The following DNAH14 variants were observed in gnomAD, a reference collection of about 807,000 sequenced individuals.
The protein encoded by DNAH14 is dynein axonemal heavy chain 14, also known as axonemal beta dynein heavy chain 14.
A neutral mutation model predicts 520.9 loss-of-function variants in DNAH14; 478 were observed. The ratio of observed to expected loss-of-function variants is 0.92; its 90% CI spans 0.85 to 0.99. DNAH14 has a LOEUF of 0.99. DNAH14 is among the 50% of genes least tolerant of loss of function. The pLI is 0.00. For missense variants in DNAH14, 4,831 were observed against 5,234.5 expected (o/e 0.92, Z 2.38); for synonymous variants, 1,581 against 1,757.2 (o/e 0.90, Z 2.51).
At chr1:225,291,776 G>C (rs7535325) in intron 55 of DNAH14, among the ~76,000 whole-genome samples, 5,524 of 152,100 alleles carry the variant, frequency 0.036, 304 homozygotes, top group African/African-American at 0.12. Flanking sequence ...TCCTGACTGG[G>C]GAGAGGTGAT....
chr1:225,385,277 G>C (rs1051576999), intron 81 of DNAH14, among the ~76,000 whole-genome samples: 5 of 152,140 alleles, frequency 3.3e-5, no homozygotes, highest in African/African-American at 9.7e-5. Flanking sequence ...ATATCATACT[G>C]AATGGGCAAA....
At chr1:225,104,122 C>G (rs1232141826) in intron 23 of DNAH14, among the ~76,000 whole-genome samples, 1 of 152,116 alleles carries the variant, frequency 6.6e-6, no homozygotes, top group East Asian at 1.9e-4. Context: ...TTGTCAAAGG[C>G]CTTTTCTGCA....
intron 7 of DNAH14, among the ~76,000 whole-genome samples, chr1:224,973,740 T>A (rs1002992377): frequency 1.3e-5 from 2 of 152,186 alleles, no homozygotes; most frequent in African/African-American, 4.8e-5. Context: ...TCACTGAAAA[T>A]TGAATCTTGA....
intron 23 of DNAH14, among the ~76,000 whole-genome samples, chr1:225,117,254 T>C (rs1056112203): frequency 1.3e-5 from 2 of 152,060 alleles, no homozygotes; most frequent in Non-Finnish European, 2.9e-5. Context: ...TAACTTAGTC[T>C]ATAAAGTGAT....
rs2449303 is a variant in DNAH14, at chr1:225,038,427, G to T, written c.1359-267G>T. ...CAACATTTATTATTTATTATTTTCTGTTTTTTTTAATAGCCATCCTAATGG... is the reference window on the plus strand; with the variant it reads ...CAACATTTATTATTTATTATTTTCTTTTTTTTTTAATAGCCATCCTAATGG... On this transcript the variant is annotated intron_variant, in intron 11 of 85. Coordinates refer to ENST00000682510, the MANE Select transcript of DNAH14 (RefSeq NM_001367479.1). Among the ~76,000 whole-genome samples, 120,615 of 151,426 alleles carry T rather than the reference G, an allele frequency of 0.8. 51,389 individuals are homozygous for T. The highest frequency in any genetic ancestry group is 0.96 in the Non-Finnish European group (65,256 of 67,852).
chr1:225,031,514 G>T (rs1368918974), intron 11 of DNAH14, among the ~76,000 whole-genome samples: 1 of 150,516 alleles, frequency 6.6e-6, no homozygotes, highest in African/African-American at 2.4e-5. Context: ...AGGTTTTGCT[G>T]ACCCATGCTC....
chr1:225,237,651 C>A (rs920076828), intron 42 of DNAH14, among the ~76,000 whole-genome samples: 2 of 152,080 alleles, frequency 1.3e-5, no homozygotes, highest in African/African-American at 4.8e-5. Context: ...TGAAGGTTGG[C>A]CTGTCTTGCT....
At chr1:225,048,216 G>C (rs1447616741) in intron 15 of DNAH14, among the ~76,000 whole-genome samples, 2 of 152,128 alleles carry the variant, frequency 1.3e-5, no homozygotes, top group African/African-American at 2.4e-5. Context: ...ATTCAGCTAT[G>C]TTGGCCATGT....
At chr1:224,999,010 G>A (rs1404397942) in intron 8 of DNAH14, among the ~76,000 whole-genome samples, 1 of 151,888 alleles carries the variant, frequency 6.6e-6, no homozygotes, top group African/African-American at 2.4e-5. Flanking sequence ...GTGTCCCTCA[G>A]TATTTCTGGT....
chr1:225,230,932 A>C (rs1477562819), intron 41 of DNAH14, 141 bp from the exon 42 acceptor site: 1 of 549,740 alleles, frequency 1.8e-6, no homozygotes, highest in African/African-American at 2.0e-5. Flanking sequence ...TGATAAGTTA[A>C]TTCTCAGATA....
At chr1:225,210,918 A>G (rs10915803) in intron 41 of DNAH14, among the ~76,000 whole-genome samples, 23,488 of 152,206 alleles carry the variant, frequency 0.15, 2,144 homozygotes, top group East Asian at 0.36. Flanking sequence ...AGTCCTGACT[A>G]TTAGAAGGAA....
chr1:225,121,394 C>T (rs1235370043), intron 26 of DNAH14, among the ~76,000 whole-genome samples: 1 of 152,148 alleles, frequency 6.6e-6, no homozygotes, highest in Non-Finnish European at 1.5e-5. Context: ...AACTTCTCCC[C>T]TTTCCTCATC....
Position 225,316,481 on chromosome 1 carries a change from G to A in DNAH14, c.9241-2102G>A, listed in dbSNP as rs367938955. Reference sequence around the variant, plus strand: ...GCTTGAAATCCAGGGCTCTTGTGGTGTAGGCACCTGAGGGAATCTCCTGGT... The same window carrying A: ...GCTTGAAATCCAGGGCTCTTGTGGTATAGGCACCTGAGGGAATCTCCTGGT... On this transcript the variant is annotated intron_variant, in intron 60 of 85. Coordinates refer to ENST00000682510, the MANE Select transcript of DNAH14 (RefSeq NM_001367479.1). 9.4e-4 allele frequency among the ~76,000 whole-genome samples: 143 copies of A among 152,340 alleles called. 4 individuals carry two copies. In the South Asian group the frequency reaches 0.029, roughly 31 times the overall value.
Position 225,168,026 on chromosome 1 carries a change from C to T in DNAH14, c.5533C>T (p.Gln1845Ter), listed in dbSNP as rs1303452897. Residue 1845 changes from glutamine to a stop codon, truncating the protein, a stop_gained and splice_region_variant, in exon 36 of 86, where the codon CAG becomes TAG. Coordinates refer to ENST00000682510, the MANE Select transcript of DNAH14 (RefSeq NM_001367479.1). LOFTEE classifies it high-confidence loss of function. ...GATTATACAGTTTTATAATCAACTTCAGGTAAGTATAAAATGGCATGTTAG... is the reference window on the plus strand; with the variant it reads ...GATTATACAGTTTTATAATCAACTTTAGGTAAGTATAAAATGGCATGTTAG... ...EKIIQFYNQL[Q>*]VCVGVMLVGP... 1 of 1,499,540 alleles carries T rather than the reference C, an allele frequency of 6.7e-7. No homozygotes were observed. The highest frequency in any genetic ancestry group is 9.0e-7 in the Non-Finnish European group (1 of 1,109,498). 92.9% of individuals were successfully genotyped at this position (1,499,540 alleles called of 1,614,324 possible).
At chr1:225,027,118 G>A (rs1211559649) in intron 11 of DNAH14, among the ~76,000 whole-genome samples, 1 of 151,988 alleles carries the variant, frequency 6.6e-6, no homozygotes, top group Non-Finnish European at 1.5e-5. Context: ...CTGCTACTTT[G>A]TTGAACTTTT....
intron 10 of DNAH14, among the ~76,000 whole-genome samples, chr1:225,008,293 A>G (rs1239832056): frequency 6.6e-6 from 1 of 152,120 alleles, no homozygotes; most frequent in Non-Finnish European, 1.5e-5. Context: ...CATGGTGTAT[A>G]TGTGCCACAT....
chr1:225,365,221 G>A (rs557308055), intron 76 of DNAH14, among the ~76,000 whole-genome samples: 12 of 152,152 alleles, frequency 7.9e-5, no homozygotes, highest in Admixed American at 1.3e-4. Context: ...CTACTTAACC[G>A]TTTTATTATT....
intron 38 of DNAH14, among the ~76,000 whole-genome samples, chr1:225,201,516 A>G (rs2086819423): frequency 6.6e-6 from 1 of 152,018 alleles, no homozygotes; most frequent in Admixed American, 6.6e-5. Context: ...AAGGTCTAGG[A>G]CTCAAGACTG....
At position 225,399,275 on chromosome 1, in the gene DNAH14, C is replaced by T. The variant is rs1558641445; in HGVS notation, c.*6C>T. The T allele has an allele frequency of 5.8e-6, 9 of 1,542,100 alleles. No homozygotes were observed. Among genetic ancestry groups the T allele is most frequent in the Admixed American group, 3.9e-5 (2 of 50,652 alleles). On this transcript the variant is annotated 3_prime_UTR_variant, in exon 86 of 86. Transcript: ENST00000682510. The stretch of plus-strand genomic sequence containing the variant: ...GTGAGAAGAATGAAAAATAAATGTC[C>T]ATATCAAACCATTTTAATTTTTGAC...
Sources: gnomAD v4.1 joint callset for allele counts (sites outside exome capture counted in the v4.1 genomes callset) on GRCh38, gnomAD v4.1.1 for gene constraint, MANE v1.5 for transcripts, NCBI Gene and HGNC (gene_info 2026-07-23, HGNC 2026-07-21) for gene names.